Variants in DNAH6 observed in about 807,000 individuals in gnomAD.
The protein encoded by DNAH6 is axonemal beta dynein heavy chain 6.
DNAH6 carries 340 observed loss-of-function variants against 491.4 expected under a neutral mutation model. That is an observed-to-expected ratio of 0.69 (90% CI 0.63 to 0.76). DNAH6 has a LOEUF of 0.76. Ranked by LOEUF, DNAH6 falls within the 30% of genes least tolerant of loss-of-function variation. DNAH6 has a pLI of 0.00. For synonymous variants in DNAH6, 1,603 were observed against 1,686.1 expected (o/e 0.95, Z 1.21); for missense variants, 4,443 against 4,972.2 (o/e 0.89, Z 3.20).
chr2:84,590,181 G>T (rs1426272817), intron 16 of DNAH6, among the ~76,000 whole-genome samples: 2 of 152,036 alleles, frequency 1.3e-5, no homozygotes, highest in African/African-American at 4.8e-5. Flanking sequence ...GCAAGGTATG[G>T]AGGAAATACT....
At position 84,815,981 on chromosome 2, in the gene DNAH6, G is replaced by A. The variant is rs767472734; in HGVS notation, c.12271G>A (p.Val4091Met). The stretch of plus-strand genomic sequence containing the variant: ...CGGACAGATGAATCCAGTGCTGCCT[G>A]TGGTGCATTTTGAACCACAACAAAA... Reference protein sequence around the residue: ...LPGQMNPVLPVVHFEPQQNYK... With the variant: ...LPGQMNPVLPMVHFEPQQNYK... The change falls in exon 76 of 77, where the codon GTG becomes ATG. Residue 4091 changes from valine to methionine, a missense_variant. Val to Met is a conservative substitution (Grantham distance 21, BLOSUM62 1). This residue lies in a region of DNAH6 where 1,463 missense variants were observed against 1,656.6 expected (regional missense o/e 0.88). Transcript: ENST00000389394. 1.3e-6 allele frequency: 2 copies of A among 1,551,898 alleles called. No homozygotes were observed. Among genetic ancestry groups the A allele is most frequent in the Non-Finnish European group, 1.7e-6 (2 of 1,147,044 alleles).
intron 13 of DNAH6, among the ~76,000 whole-genome samples, chr2:84,578,722 T>C (rs1401778757): frequency 6.6e-6 from 1 of 152,100 alleles, no homozygotes; most frequent in Non-Finnish European, 1.5e-5. Context: ...AAGTCAGAGG[T>C]TCACACTTGA....
At chr2:84,675,173 A>G (rs989328967) in intron 40 of DNAH6, among the ~76,000 whole-genome samples, 2 of 152,068 alleles carry the variant, frequency 1.3e-5, no homozygotes, top group Admixed American at 6.5e-5. Context: ...GTGTGTCTTT[A>G]TGGCCTTCAC....
Position 84,707,700 on chromosome 2 carries a change from C to T in DNAH6, c.9032C>T (p.Ala3011Val), listed in dbSNP as rs367947746. The T allele has an allele frequency of 3.9e-6, 6 of 1,551,954 alleles. No homozygotes were observed. The African/African-American group carries it at 6.8e-5, about 18-fold the overall frequency. ...ACVAYYGAFT[A>V]QYRQSLIECW... Reference sequence around the variant, plus strand: ...GTGGCCTACTATGGGGCTTTCACAGCCCAGTACAGGCAGTCAGTGAGTAAC... The same window carrying T: ...GTGGCCTACTATGGGGCTTTCACAGTCCAGTACAGGCAGTCAGTGAGTAAC... Residue 3011 changes from alanine (A) to valine (V), a missense_variant, in exon 54 of 77, where the codon GCC becomes GTC. This residue lies in a region of DNAH6 where 1,463 missense variants were observed against 1,656.6 expected (regional missense o/e 0.88). Coordinates refer to ENST00000389394, the MANE Select transcript of DNAH6 (RefSeq NM_001370.2).
At chr2:84,812,158 G>A (rs954755627) in intron 72 of DNAH6, among the ~76,000 whole-genome samples, 183 bp from the exon 73 acceptor site, 1 of 152,210 alleles carries the variant, frequency 6.6e-6, no homozygotes, top group African/African-American at 2.4e-5. Flanking sequence ...ACACCGCAAC[G>A]GTCACGTATT....
At chr2:84,562,864 C>A (rs1179106141) in intron 11 of DNAH6, among the ~76,000 whole-genome samples, 1 of 152,092 alleles carries the variant, frequency 6.6e-6, no homozygotes, top group Non-Finnish European at 1.5e-5. Context: ...ATGTATTTTC[C>A]TTTGGGTATT....
chr2:84,625,400 A>G (rs551671360), intron 29 of DNAH6, among the ~76,000 whole-genome samples: 13 of 152,332 alleles, frequency 8.5e-5, no homozygotes, highest in Non-Finnish European at 1.8e-4. Flanking sequence ...AGAGTAGGAA[A>G]TTGGCAATTT....
At position 84,584,042 on chromosome 2, in the gene DNAH6, A is replaced by G. The variant is rs768325084; in HGVS notation, c.2273A>G (p.Tyr758Cys). The change falls in exon 15 of 77, where the codon TAC (tyrosine) becomes TGC (cysteine). Residue 758 changes from tyrosine (Y) to cysteine (C), a missense_variant. Tyr to Cys is a radical substitution (Grantham distance 194). This residue lies in a region of DNAH6 where 2,977 missense variants were observed against 3,296.6 expected (regional missense o/e 0.90). Transcript: ENST00000389394. ...EDEGNIVTQM[Y>C]KLMEQYQVPT... Reference sequence around the variant, plus strand: ...GAGGGGAATATAGTGACTCAAATGTACAAGCTTATGGAACAATATCAGGTG... The same window carrying G: ...GAGGGGAATATAGTGACTCAAATGTGCAAGCTTATGGAACAATATCAGGTG... 6.2e-7 allele frequency: 1 copy of G among 1,614,148 alleles called. No homozygotes were observed. The highest frequency in any genetic ancestry group is 8.5e-7 in the Non-Finnish European group (1 of 1,180,004).
chr2:84,707,827 A>C, intron 54 of DNAH6, 111 bp downstream of exon 54: 1 of 764,742 alleles, frequency 1.3e-6, no homozygotes, highest in Non-Finnish European at 2.1e-6. Flanking sequence ...GAGGTTCTTC[A>C]TGGTGGAATT....
At chr2:84,676,560 G>C (rs1693251876) in intron 40 of DNAH6, among the ~76,000 whole-genome samples, 1 of 152,140 alleles carries the variant, frequency 6.6e-6, no homozygotes, top group African/African-American at 2.4e-5. Flanking sequence ...AGATTGGTCG[G>C]TTGACAAAAA....
chr2:84,469,036 T>A, the DNAH6 span, among the ~76,000 whole-genome samples: 4 of 152,170 alleles, frequency 2.6e-5, no homozygotes, highest in Non-Finnish European at 5.9e-5. The surrounding 1 kb of genome is among the most constrained non-coding windows in gnomAD (Gnocchi z 4.0). Context: ...CCATGTTTTA[T>A]CCTAAAGTAC....
At chr2:84,806,363 T>C (rs915471837) in intron 71 of DNAH6, among the ~76,000 whole-genome samples, 3 of 152,204 alleles carry the variant, frequency 2.0e-5, no homozygotes, top group African/African-American at 7.2e-5. Context: ...CTGATGCCTG[T>C]AATCCTAGCA....
intron 10 of DNAH6, among the ~76,000 whole-genome samples, chr2:84,554,677 A>G (rs1043214327): frequency 2.6e-5 from 4 of 152,210 alleles, no homozygotes; most frequent in Non-Finnish European, 5.9e-5. Context: ...GGGATAGGCA[A>G]TTTGAAGGCA....
At chr2:84,579,970 A>G (rs1334232309) in intron 14 of DNAH6, among the ~76,000 whole-genome samples, 1 of 152,236 alleles carries the variant, frequency 6.6e-6, no homozygotes, top group Non-Finnish European at 1.5e-5. Context: ...AAGGAAACAG[A>G]AACCAAAACA....
Position 84,707,827 on chromosome 2 carries a change from A to G in DNAH6, c.9048+111A>G. ...AGGCTCTCCACTGTAGAGGTTCTTC[A>G]TGGTGGAATTTCTTTATATATTTCA... is the stretch of plus-strand genomic sequence containing the variant. On this transcript the variant is annotated intron_variant, in intron 54 of 76. Coordinates refer to ENST00000389394, the MANE Select transcript of DNAH6 (RefSeq NM_001370.2). The G allele has an allele frequency of 3.9e-6, 3 of 764,742 alleles. No individual in the cohort carries two copies. The South Asian group carries it at 6.2e-5, about 16-fold the overall frequency. 47.4% of individuals were successfully genotyped at this position (764,742 alleles called of 1,614,324 possible).
chr2:84,595,575 T>A, intron 17 of DNAH6, 71 bp from the exon 18 acceptor site: 1 of 1,340,620 alleles, frequency 7.5e-7, no homozygotes, highest in African/African-American at 1.5e-5. Context: ...TTAAAAGTTT[T>A]TTTAGTATTT....
chr2:84,817,177 G>A (rs1164272374), intron 76 of DNAH6, among the ~76,000 whole-genome samples: 1 of 151,456 alleles, frequency 6.6e-6, no homozygotes, highest in Non-Finnish European at 1.5e-5. Flanking sequence ...ACTTAAGACT[G>A]TCAGAGACCA....
In DNAH6 at chr2:84,543,904, A is replaced by G. The variant is rs78729346; in HGVS notation, c.663-329A>G. Among the ~76,000 whole-genome samples the G allele has an allele frequency of 1.4e-3, 208 of 152,242 alleles. 2 individuals are homozygous for G. Among genetic ancestry groups the G allele is most frequent in the African/African-American group, 4.6e-3 (192 of 41,584 alleles). On this transcript the variant is annotated intron_variant, in intron 4 of 76. Transcript: ENST00000389394. ...GCTATTAATATTGAATAGTTTCTGAAGAGTTAATAATAGCTCCAGATAGTT... is the reference window on the plus strand; with the variant it reads ...GCTATTAATATTGAATAGTTTCTGAGGAGTTAATAATAGCTCCAGATAGTT...
intron 2 of DNAH6, among the ~76,000 whole-genome samples, 161 bp downstream of exon 2, chr2:84,518,212 A>G (rs1162824769): frequency 6.6e-6 from 1 of 152,254 alleles, no homozygotes; most frequent in Non-Finnish European, 1.5e-5. Flanking sequence ...GTAAATATTT[A>G]TTAAACAAAT....
Sources: allele counts gnomAD v4.1 joint callset (sites outside exome capture counted in the v4.1 genomes callset), GRCh38; gene constraint gnomAD v4.1.1; regional missense constraint gnomAD v4.1.1; non-coding constraint Gnocchi (gnomAD v3.1); transcripts MANE v1.5; gene names NCBI Gene and HGNC (gene_info 2026-07-23, HGNC 2026-07-21).